The following CDS2 variants were observed in gnomAD, a reference collection of about 807,000 sequenced individuals.
CDS2 encodes phosphatidate cytidylyltransferase 2.
CDS2 carries 47 observed loss-of-function variants against 59.0 expected under a neutral mutation model. The ratio of observed to expected loss-of-function variants is 0.80; its 90% CI spans 0.63 to 1.02. The LOEUF (loss-of-function observed/expected upper bound fraction) is 1.02. Ranked by LOEUF, CDS2 falls within the 50% of genes least tolerant of loss-of-function variation. The pLI, the probability that CDS2 is intolerant of heterozygous loss-of-function variation, is 0.00. For synonymous variants in CDS2, 207 were observed against 206.4 expected (o/e 1.00, Z -0.02); for missense variants, 356 against 558.9 (o/e 0.64, Z 3.66).
At chr20:5,186,068 A>G (rs2091065438) in intron 9 of CDS2, among the ~76,000 whole-genome samples, 1 of 152,254 alleles carries the variant, frequency 6.6e-6, no homozygotes, top group Admixed American at 6.5e-5. Context: ...ATCAGCAGGT[A>G]GCCTTCTTGT....
At chr20:5,158,839 T>G (rs2123010133) in intron 1 of CDS2, among the ~76,000 whole-genome samples, 1 of 152,328 alleles carries the variant, frequency 6.6e-6, no homozygotes, top group African/African-American at 2.4e-5. Flanking sequence ...TATATGGTGG[T>G]GTTTTGCAGT....
chr20:5,148,328 A>T (rs1220659793), intron 1 of CDS2, among the ~76,000 whole-genome samples: 1 of 152,154 alleles, frequency 6.6e-6, no homozygotes, highest in African/African-American at 2.4e-5. Flanking sequence ...GGCTCTTATC[A>T]GCTTTATGGG....
At chr20:5,167,336 C>G (rs1001066826) in intron 1 of CDS2, among the ~76,000 whole-genome samples, 3 of 152,148 alleles carry the variant, frequency 2.0e-5, no homozygotes, top group Non-Finnish European at 4.4e-5. Context: ...CCCATTATTG[C>G]TGTGAGGCTT....
chr20:5,132,840 G>A (rs1247737012), intron 1 of CDS2, among the ~76,000 whole-genome samples: 2 of 152,216 alleles, frequency 1.3e-5, no homozygotes, highest in African/African-American at 4.8e-5. Context: ...TTTAAAAAAT[G>A]TTTTGTGTTT....
Position 5,127,460 on chromosome 20 carries a change from A to G in CDS2, c.57+311A>G, listed in dbSNP as rs58921284. On this transcript the variant is annotated intron_variant, in intron 1 of 12. Coordinates refer to ENST00000460006, the MANE Select transcript of CDS2 (RefSeq NM_003818.4). ...GCTGCGGGGACTCCCCTCTCCCCCA[A>G]CTCCGTGAGGCCTTCCTGGAGGTGA... 1.6e-3 allele frequency among the ~76,000 whole-genome samples: 236 copies of G among 151,994 alleles called. 2 individuals are homozygous for G. Among genetic ancestry groups the G allele is most frequent in the Non-Finnish European group, 2.0e-3 (134 of 67,964 alleles).
chr20:5,132,228 G>C (rs2090613440), intron 1 of CDS2, among the ~76,000 whole-genome samples: 1 of 151,856 alleles, frequency 6.6e-6, no homozygotes, highest in Non-Finnish European at 1.5e-5. Flanking sequence ...CTCCCGAGTA[G>C]CTGAGATTAC....
At chr20:5,142,623 C>G (rs2090704191) in intron 1 of CDS2, among the ~76,000 whole-genome samples, 1 of 152,146 alleles carries the variant, frequency 6.6e-6, no homozygotes, top group East Asian at 1.9e-4. Context: ...GTATATTCCT[C>G]CTGTATAAAA....
At chr20:5,174,458 C>T (rs761371859) in intron 2 of CDS2, among the ~76,000 whole-genome samples, 3 of 152,198 alleles carry the variant, frequency 2.0e-5, no homozygotes, top group Admixed American at 6.5e-5. Flanking sequence ...TTACTCAGGC[C>T]GGGTATGGTG....
At chr20:5,131,489 T>C (rs1373500346) in intron 1 of CDS2, among the ~76,000 whole-genome samples, 2 of 152,238 alleles carry the variant, frequency 1.3e-5, no homozygotes, top group African/African-American at 4.8e-5. Flanking sequence ...TTAAAATTTA[T>C]GATTGAGTTG....
intron 1 of CDS2, among the ~76,000 whole-genome samples, chr20:5,130,748 A>G (rs1274202475): frequency 2.0e-5 from 3 of 150,826 alleles, no homozygotes; most frequent in Non-Finnish European, 4.4e-5. Flanking sequence ...GCGCCGTTGC[A>G]CTCCATCCAG....
intron 1 of CDS2, chr20:5,168,666 A>G (rs1600498913): frequency 1.9e-6 from 1 of 517,992 alleles, no homozygotes; most frequent in Non-Finnish European, 3.9e-6. Flanking sequence ...GATGCTGTCC[A>G]GGAAGCCTCC....
chr20:5,128,718 A>T (rs890688843), intron 1 of CDS2: 4 of 152,240 alleles, frequency 2.6e-5, no homozygotes, highest in Non-Finnish European at 5.9e-5. Flanking sequence ...GTTCAGCCTG[A>T]AAGAATTCTG....
chr20:5,170,517 G>A (rs571999671), intron 1 of CDS2, among the ~76,000 whole-genome samples: 1 of 152,382 alleles, frequency 6.6e-6, no homozygotes, highest in South Asian at 2.1e-4. Context: ...CAGGAGCCAG[G>A]TGGCTGGCTG....
chr20:5,179,874 C>T (rs1290524265), intron 5 of CDS2, among the ~76,000 whole-genome samples: 1 of 152,196 alleles, frequency 6.6e-6, no homozygotes, highest in African/African-American at 2.4e-5. Flanking sequence ...TTCATAGCTA[C>T]CTTCAAAGCT....
At chr20:5,178,010 G>T (rs1432915734) in intron 4 of CDS2, among the ~76,000 whole-genome samples, 1 of 152,158 alleles carries the variant, frequency 6.6e-6, no homozygotes, top group Non-Finnish European at 1.5e-5. Flanking sequence ...AAAAAGAATG[G>T]GAAAGAAAAG....
In CDS2 at chr20:5,190,484, T is replaced by G. The variant is rs909320617; in HGVS notation, c.*250T>G. On this transcript the variant is annotated 3_prime_UTR_variant, in exon 13 of 13. Coordinates refer to ENST00000460006, the MANE Select transcript of CDS2 (RefSeq NM_003818.4). ...TCACGGGTTGTAAAACCATTTGGAT[T>G]TTTTTAAAACAAAAGTATTAATAAT... 1.1e-5 allele frequency: 4 copies of G among 364,492 alleles called. No homozygotes were observed. Among genetic ancestry groups the G allele is most frequent in the African/African-American group, 6.3e-5 (3 of 47,838 alleles). The allele number at this position is 364,492 out of a possible 1,614,324, so 22.6% of individuals were successfully genotyped here. A position where few individuals can be genotyped will look rare whatever the true frequency, so the allele number is the denominator to read the frequency against.
intron 1 of CDS2, among the ~76,000 whole-genome samples, chr20:5,171,416 C>G (rs2123036474): frequency 6.6e-6 from 1 of 152,338 alleles, no homozygotes. Context: ...CTGAATGCAT[C>G]TGTGGGAGCC....
rs57279708 is a variant in CDS2 at position 5,176,756 on chromosome 20, C to T, written c.389+11C>T. 2.4e-4 allele frequency: 386 copies of T among 1,594,022 alleles called. 3 individuals are homozygous for T. The African/African-American group carries it at 4.0e-3, about 17-fold the overall frequency. ...CAGGACGCTCAGCTGGTAAGCTCTC[C>T]GGCCCCACAGAGGCTTTTAGAATTT... On this transcript the variant is annotated intron_variant, in intron 4 of 12. Transcript: ENST00000460006.
intron 1 of CDS2, chr20:5,128,591 A>AAAAAAC (rs771854319): frequency 3.3e-5 from 5 of 152,360 alleles, no homozygotes; most frequent in East Asian, 1.9e-4. Context: ...ACCCTGTCTC[A>AAAAAAC]AAAAACAAAA....
Sources: gnomAD v4.1 joint callset for allele counts (sites outside exome capture counted in the v4.1 genomes callset) on GRCh38, gnomAD v4.1.1 for gene constraint, MANE v1.5 for transcripts, NCBI Gene and HGNC (gene_info 2026-07-23, HGNC 2026-07-21) for gene names.